The following DHX8 variants were observed in gnomAD, a reference collection of about 807,000 sequenced individuals.
DHX8 encodes DEAH-box helicase 8.
Under a neutral mutation model 140.7 loss-of-function variants are expected in DHX8, and 67 were observed. That is an observed-to-expected ratio of 0.48 (90% CI 0.39 to 0.58). The LOEUF is 0.58. Among genes scored for constraint, DHX8 ranks in the 20% least tolerant of loss-of-function variants. The probability of loss-of-function intolerance (pLI) is 0.00; values close to 1 mark genes in which losing one functional copy is unlikely to be tolerated. For synonymous variants in DHX8, 533 were observed against 553.2 expected (o/e 0.96, Z 0.51); for missense variants, 887 against 1,550.7 (o/e 0.57, Z 7.19).
At chr17:43,514,371 A>G (rs1007821283) in intron 17 of DHX8, among the ~76,000 whole-genome samples, 9 of 152,164 alleles carry the variant, frequency 5.9e-5, no homozygotes, top group Non-Finnish European at 8.8e-5. Flanking sequence ...TAAATGCCCC[A>G]TAAAACTAGA....
intron 3 of DHX8, 179 bp downstream of exon 3, chr17:43,490,642 G>A: frequency 3.3e-6 from 2 of 597,866 alleles, no homozygotes; most frequent in Non-Finnish European, 5.8e-6. Flanking sequence ...GGAGGCCAAG[G>A]TGGGAGTATC....
intron 16 of DHX8, among the ~76,000 whole-genome samples, chr17:43,511,985 A>C (rs1240282035): frequency 1.3e-5 from 2 of 151,952 alleles, no homozygotes; most frequent in African/African-American, 2.4e-5. Flanking sequence ...ACACCACTAT[A>C]CTCCAGCCAA....
downstream of DHX8, chr17:43,530,361 G>A (rs1158237787): frequency 2.1e-6 from 3 of 1,459,068 alleles, no homozygotes; most frequent in Admixed American, 7.6e-5. Context: ...CAGAGGGAGT[G>A]TGATGCTGGA....
At chr17:43,530,420 C>T (rs550301255), downstream of DHX8, 56 of 1,404,038 alleles carry the variant, frequency 4.0e-5, no homozygotes, top group South Asian at 5.8e-4. Flanking sequence ...AAGGCAGCAG[C>T]GGGGGCTGGG....
intron 1 of DHX8, among the ~76,000 whole-genome samples, chr17:43,489,098 G>A (rs1036279764): frequency 6.6e-6 from 1 of 151,796 alleles, no homozygotes; most frequent in South Asian, 2.1e-4. Context: ...TCTGCCTCCC[G>A]GGTTCAAGTG....
chr17:43,489,463 A>G lies in DHX8; in HGVS notation c.163A>G (p.Ser55Gly). Residue 55 changes from serine to glycine, a missense_variant, in exon 2 of 23, where the codon AGT (serine) becomes GGT (glycine). Physicochemically the swap from Ser to Gly is moderately conservative, Grantham distance 56. Coordinates refer to ENST00000262415, the MANE Select transcript of DHX8 (RefSeq NM_004941.3). ...CTTATTTGCAGCTGAATTTGTGATC[A>G]GTCTTGCTGAGAAAAATACCACCTT... ...NDKDLAEFVISLAEKNTTFDT... is the reference protein window; with the variant it reads ...NDKDLAEFVIGLAEKNTTFDT... 1.9e-6 allele frequency: 3 copies of G among 1,607,690 alleles called. No individual in the cohort carries two copies. The highest frequency in any genetic ancestry group is 2.5e-6 in the Non-Finnish European group (3 of 1,177,190).
intron 12 of DHX8, among the ~76,000 whole-genome samples, chr17:43,506,269 G>A (rs1969490046): frequency 6.6e-6 from 1 of 151,362 alleles, no homozygotes; most frequent in Non-Finnish European, 1.5e-5. Flanking sequence ...GCCTCCCAAA[G>A]TGCTAGGATT....
rs1968683648 is a variant in DHX8 at position 43,493,787 on chromosome 17, T to A, written c.1113T>A (p.Thr371=). ...CAATGCGGAATCCTGATAGACCCAC[T>A]CACTTGTCCCTTGTCAGTGCTCCTG... The part of the protein sequence containing the change: ...ETSMRNPDRP[T]HLSLVSAPEV... The change falls in exon 8 of 23, where the codon ACT becomes ACA. Residue 371 remains threonine (T), a synonymous_variant. Coordinates refer to ENST00000262415, the MANE Select transcript of DHX8 (RefSeq NM_004941.3). 6.2e-7 allele frequency: 1 copy of A among 1,614,044 alleles called. No homozygotes were observed. The highest frequency in any genetic ancestry group is 8.5e-7 in the Non-Finnish European group (1 of 1,180,038).
At chr17:43,529,343 G>C, downstream of DHX8, 1 of 1,398,256 alleles carries the variant, frequency 7.2e-7, no homozygotes, top group South Asian at 1.2e-5. Flanking sequence ...TGCCAAGCTA[G>C]CTCTGCAACA....
rs2154586947 is a variant in DHX8, at chr17:43,524,394, A to C, written c.*547A>C. The C allele has an allele frequency of 1.0e-6, 1 of 991,894 alleles. No homozygotes were observed. Among genetic ancestry groups the C allele is most frequent in the Non-Finnish European group, 1.2e-6 (1 of 833,994 alleles). 61.4% of individuals were successfully genotyped at this position (991,894 alleles called of 1,614,324 possible). A position where few individuals can be genotyped will look rare whatever the true frequency, so the allele number is the denominator to read the frequency against. ...CCTGGGCTCAGGGTGAGGGAGATTT[A>C]GTATCTGTGCTCTGGCACACATGAT... On this transcript the variant is annotated 3_prime_UTR_variant, in exon 23 of 23. Coordinates refer to ENST00000262415, the MANE Select transcript of DHX8 (RefSeq NM_004941.3).
At chr17:43,516,958 C>G (rs1970145476) in intron 17 of DHX8, among the ~76,000 whole-genome samples, 1 of 152,126 alleles carries the variant, frequency 6.6e-6, no homozygotes, top group Non-Finnish European at 1.5e-5. Flanking sequence ...CTTGTATTGC[C>G]TCCCTCGAAC....
At chr17:43,485,946 C>T (rs1968116602) in intron 1 of DHX8, among the ~76,000 whole-genome samples, 1 of 152,122 alleles carries the variant, frequency 6.6e-6, no homozygotes, top group African/African-American at 2.4e-5. Context: ...CCTGTAATCC[C>T]AGCACTTTGG....
intron 8 of DHX8, among the ~76,000 whole-genome samples, chr17:43,494,804 C>T (rs1046194719): frequency 2.2e-5 from 3 of 136,332 alleles, no homozygotes; most frequent in Admixed American, 7.4e-5. Context: ...CTTTTGTTTT[C>T]TTTCCTTTTT....
downstream of DHX8, chr17:43,529,611 G>A (rs1411851977): frequency 6.2e-7 from 1 of 1,614,010 alleles, no homozygotes. Context: ...CACAGCTGCA[G>A]GGCACCCCGG....
rs1221545355 is a variant in DHX8, at chr17:43,483,989, A to T, written c.-49A>T. The T allele has an allele frequency of 2.5e-6, 4 of 1,607,604 alleles. No homozygotes were observed. Among genetic ancestry groups the T allele is most frequent in the Non-Finnish European group, 3.4e-6 (4 of 1,176,428 alleles). ...GTGAAAGCTGGAACCCGGCCGGAGT[A>T]GCTCTGAGCGCCGGCTGTGAGGAAG... is the stretch of plus-strand genomic sequence containing the variant. On this transcript the variant is annotated 5_prime_UTR_variant, in exon 1 of 23. Coordinates refer to ENST00000262415, the MANE Select transcript of DHX8 (RefSeq NM_004941.3).
intron 19 of DHX8, 22 bp from the exon 20 acceptor site, chr17:43,520,729 T>C: frequency 6.2e-7 from 1 of 1,613,854 alleles, no homozygotes; most frequent in Non-Finnish European, 8.5e-7. Context: ...GAAGCAGTTG[T>C]AGTCTTTTTT....
At chr17:43,487,234 C>T (rs914413857) in intron 1 of DHX8, among the ~76,000 whole-genome samples, 3 of 152,174 alleles carry the variant, frequency 2.0e-5, no homozygotes, top group African/African-American at 4.8e-5. Context: ...TTGACATTAT[C>T]GTTACTAACT....
At chr17:43,520,442 A>G (rs1970319890) in intron 19 of DHX8, among the ~76,000 whole-genome samples, 175 bp downstream of exon 19, 1 of 152,218 alleles carries the variant, frequency 6.6e-6, no homozygotes, top group Non-Finnish European at 1.5e-5. Context: ...TCTTCTTTAT[A>G]CAAAAAGGTG....
chr17:43,483,978 C>A lies in DHX8; in HGVS notation c.-60C>A. The A allele has an allele frequency of 6.3e-7, 1 of 1,583,724 alleles. No individual in the cohort carries two copies. The highest frequency in any genetic ancestry group is 1.1e-5 in the South Asian group (1 of 88,116). ...CTGACCCGGAAGTGAAAGCTGGAAC[C>A]CGGCCGGAGTAGCTCTGAGCGCCGG... is the stretch of plus-strand genomic sequence containing the variant. On this transcript the variant is annotated 5_prime_UTR_variant, in exon 1 of 23. Transcript: ENST00000262415.
Sources: allele counts gnomAD v4.1 joint callset (sites outside exome capture counted in the v4.1 genomes callset), GRCh38; gene constraint gnomAD v4.1.1; transcripts MANE v1.5; gene names NCBI Gene and HGNC (gene_info 2026-07-23, HGNC 2026-07-21).